MYO1H: variants seen among roughly 807,000 people sequenced by gnomAD.
MYO1H encodes the protein myosin IH.
MYO1H carries 118 observed loss-of-function variants against 149.3 expected under a neutral mutation model. The observed-to-expected ratio is 0.79, with a 90% CI of 0.68 to 0.92. MYO1H has a LOEUF of 0.92. Ranked by LOEUF, MYO1H falls within the 40% of genes least tolerant of loss-of-function variation. The pLI, the probability that MYO1H is intolerant of heterozygous loss-of-function variation, is 0.00. For synonymous variants in MYO1H, 447 were observed against 465.2 expected, an observed-to-expected ratio of 0.96 and a Z score of 0.50; for missense variants, 1,212 against 1,280.7, an observed-to-expected ratio of 0.95 and a Z score of 0.82.
intron 27 of MYO1H, 120 bp from the exon 28 acceptor site, chr12:109,443,394 A>G (rs898649124): frequency 1.0e-6 from 1 of 982,640 alleles, no homozygotes; most frequent in Non-Finnish European, 1.5e-6. Context: ...ACACACACAC[A>G]TACACGCAAA....
the MYO1H span, among the ~76,000 whole-genome samples, chr12:109,326,286 C>T: frequency 6.6e-6 from 1 of 152,110 alleles, no homozygotes; most frequent in South Asian, 2.1e-4. Context: ...ATCCTCTCTC[C>T]CTACTTCCAT....
At chr12:109,318,960 G>GTTTTTTTTTTTT in the MYO1H span, among the ~76,000 whole-genome samples, 4 of 77,948 alleles carry the variant, frequency 5.1e-5, no homozygotes, top group East Asian at 3.9e-4. Flanking sequence ...AACTCTCTGC[G>GTTTTTTTTTTTT]TTTTTGGTTT....
chr12:109,330,539 C>T, the MYO1H span, among the ~76,000 whole-genome samples: 4 of 152,080 alleles, frequency 2.6e-5, no homozygotes, highest in Non-Finnish European at 5.9e-5. Context: ...CTTGAGTGAC[C>T]CATGCTTTGT....
intron 7 of MYO1H, among the ~76,000 whole-genome samples, chr12:109,405,309 T>G (rs557949274): frequency 7.2e-5 from 11 of 152,338 alleles, no homozygotes; most frequent in Non-Finnish European, 1.5e-4. Context: ...AAGTATTTTA[T>G]AAATTATTTT....
intron 1 of MYO1H, among the ~76,000 whole-genome samples, chr12:109,380,772 C>T (rs1431972445): frequency 6.6e-6 from 1 of 152,050 alleles, no homozygotes; most frequent in Non-Finnish European, 1.5e-5. Context: ...ATGGTGAAAC[C>T]CCATCTTTAC....
intron 1 of MYO1H, among the ~76,000 whole-genome samples, chr12:109,381,816 A>G (rs1869210516): frequency 6.6e-6 from 1 of 151,116 alleles, no homozygotes; most frequent in Non-Finnish European, 1.5e-5. Context: ...ACAGAGCAAG[A>G]CTCTGTCTTA....
intron 16 of MYO1H, among the ~76,000 whole-genome samples, chr12:109,423,270 T>C (rs1467573313): frequency 6.6e-6 from 1 of 151,808 alleles, no homozygotes. Context: ...GCAATTCTCC[T>C]GCCTCAGCCT....
chr12:109,358,810 T>C (rs1426028503), intron 1 of MYO1H, among the ~76,000 whole-genome samples: 2 of 123,840 alleles, frequency 1.6e-5, no homozygotes, highest in East Asian at 2.4e-4. Context: ...TTTTTTTTTT[T>C]CCTCCACCAC....
rs754158430 is a variant in MYO1H at position 109,427,582 on chromosome 12, C to G, written c.1945C>G (p.Gln649Glu). The G allele has an allele frequency of 1.2e-5, 20 of 1,605,790 alleles. No individual in the cohort carries two copies. In the East Asian group the frequency reaches 3.3e-4, roughly 27 times the overall value. ...CCGAAGGAAATACGAGCATTTCTTG[C>G]AAAGGTAAAATGTGCTTTATTGATC... The change falls in exon 19 of 32, where the codon CAA becomes GAA. Residue 649 changes from glutamine to glutamate, a missense_variant. Physicochemically the swap from Gln to Glu is conservative, Grantham distance 29. Transcript: ENST00000310903.
intron 1 of MYO1H, among the ~76,000 whole-genome samples, chr12:109,387,715 C>T (rs1370634645): frequency 6.6e-6 from 1 of 152,206 alleles, no homozygotes; most frequent in Non-Finnish European, 1.5e-5. Flanking sequence ...TCTCAGTGAC[C>T]TCACAGCTCT....
upstream of MYO1H, among the ~76,000 whole-genome samples, chr12:109,345,584 G>A (rs551982623): frequency 4.6e-5 from 7 of 152,174 alleles, no homozygotes; most frequent in South Asian, 2.1e-4. Flanking sequence ...GAGTTAACAC[G>A]TAACCCAGCA....
rs139192673 is a variant in MYO1H, at chr12:109,378,127, C to A, written c.13-10556C>A. Among the ~76,000 whole-genome samples the A allele has an allele frequency of 6.9e-3, 1,052 of 152,008 alleles. 5 individuals are homozygous for A. Among genetic ancestry groups the A allele is most frequent in the South Asian group, 0.017 (82 of 4,814 alleles). On this transcript the variant is annotated intron_variant, in intron 1 of 31. Coordinates refer to ENST00000310903, the Ensembl canonical transcript of MYO1H. ...ATTAATCTATTTAAAGTGTACAGTTCACTTGTTTTTAATATATTTGCAGAG... is the reference window on the plus strand; with the variant it reads ...ATTAATCTATTTAAAGTGTACAGTTAACTTGTTTTTAATATATTTGCAGAG...
chr12:109,348,961 G>T (rs1868397220), intron 1 of MYO1H, among the ~76,000 whole-genome samples: 1 of 152,282 alleles, frequency 6.6e-6, no homozygotes, highest in African/African-American at 2.4e-5. Flanking sequence ...ACTGAATACT[G>T]TCACCTTGGC....
chr12:109,392,615 G>A (rs538194448), intron 2 of MYO1H, among the ~76,000 whole-genome samples: 1 of 151,836 alleles, frequency 6.6e-6, no homozygotes, highest in East Asian at 2.0e-4. Context: ...CCAGCTATGG[G>A]AGGCTGAGGA....
chr12:109,311,792 G>A, the MYO1H span, among the ~76,000 whole-genome samples: 12 of 152,124 alleles, frequency 7.9e-5, no homozygotes, highest in African/African-American at 2.9e-4. Context: ...TTCCCTATTA[G>A]CACGATTTCT....
the MYO1H span, among the ~76,000 whole-genome samples, chr12:109,325,908 G>C: frequency 6.6e-6 from 1 of 152,230 alleles, no homozygotes; most frequent in Non-Finnish European, 1.5e-5. Flanking sequence ...TTATTAAAAA[G>C]TCAGGAAACA....
upstream of MYO1H, among the ~76,000 whole-genome samples, chr12:109,345,477 C>T (rs943136736): frequency 2.0e-5 from 3 of 151,576 alleles, no homozygotes; most frequent in African/African-American, 4.8e-5. Flanking sequence ...GGCAAGAATT[C>T]GGAGAAAATG....
chr12:109,381,376 G>A (rs116626227), intron 1 of MYO1H, among the ~76,000 whole-genome samples: 1,771 of 152,186 alleles, frequency 0.012, 29 homozygotes, highest in African/African-American at 0.04. Flanking sequence ...CTGCACTACC[G>A]CAGTCCAGGC....
chr12:109,446,083 G>T, intron 31 of MYO1H: 2 of 985,154 alleles, frequency 2.0e-6, no homozygotes, highest in Non-Finnish European at 2.4e-6. Flanking sequence ...TAAAAAATAT[G>T]TAAGAAAATA....
Sources: gnomAD v4.1 joint callset for allele counts (sites outside exome capture counted in the v4.1 genomes callset) on GRCh38, gnomAD v4.1.1 for gene constraint, MANE v1.5 for transcripts, NCBI Gene and HGNC (gene_info 2026-07-23, HGNC 2026-07-21) for gene names.